NPEPPS: variants seen among roughly 807,000 people sequenced by gnomAD.
NPEPPS encodes the protein puromycin-sensitive aminopeptidase.
Under a neutral mutation model 115.5 loss-of-function variants are expected in NPEPPS, and 14 were observed. The ratio of observed to expected loss-of-function variants is 0.12; its 90% CI spans 0.08 to 0.19. NPEPPS has a LOEUF of 0.19. Among genes scored for constraint, NPEPPS ranks in the 10% least tolerant of loss-of-function variants. NPEPPS has a pLI of 1.00. For synonymous variants in NPEPPS, 285 were observed against 390.6 expected (o/e 0.73, Z 3.19); for missense variants, 523 against 1,110.8 (o/e 0.47, Z 7.52).
At chr17:47,541,458 C>T (rs1227279644) in intron 1 of NPEPPS, among the ~76,000 whole-genome samples, 1 of 151,778 alleles carries the variant, frequency 6.6e-6, no homozygotes, top group Non-Finnish European at 1.5e-5. Flanking sequence ...CTCACTGCAA[C>T]CTCCGCCTCC....
intron 3 of NPEPPS, among the ~76,000 whole-genome samples, chr17:47,571,245 G>A (rs1423165621): frequency 5.3e-5 from 8 of 152,122 alleles, no homozygotes; most frequent in Middle Eastern, 3.2e-3. Flanking sequence ...TGATAGTTAT[G>A]TCTGGGTGTT....
rs1490108407 is a variant in NPEPPS at position 47,587,247 on chromosome 17, T to C, written c.998T>C (p.Ile333Thr). 5 of 1,596,274 alleles carry C rather than the reference T, an allele frequency of 3.1e-6. No homozygotes were observed. Among genetic ancestry groups the C allele is most frequent in the Non-Finnish European group, 4.3e-6 (5 of 1,173,132 alleles). The stretch of plus-strand genomic sequence containing the variant: ...AAACACAGGGAGACTGCATTGCTTA[T>C]TGATCCAAAAAATTCCTGTTCTTCA... ...LVTYRETALL[I>T]DPKNSCSSSR... Residue 333 changes from isoleucine to threonine, a missense_variant, in exon 9 of 23, where the codon ATT becomes ACT. Around this residue, in one of 4 missense-constraint regions of NPEPPS, gnomAD observed 144 missense variants for 512.4 expected, o/e 0.28. Coordinates refer to ENST00000322157, the MANE Select transcript of NPEPPS (RefSeq NM_006310.4).
At chr17:47,563,107 C>T (rs1384876144) in intron 2 of NPEPPS, among the ~76,000 whole-genome samples, 6 of 151,478 alleles carry the variant, frequency 4.0e-5, no homozygotes, top group African/African-American at 1.5e-4. Context: ...TCTCAATTCA[C>T]TGCAACCTCC....
At chr17:47,596,537 T>C (rs1597874657) in intron 13 of NPEPPS, 75 bp downstream of exon 13, 1 of 912,536 alleles carries the variant, frequency 1.1e-6, no homozygotes, top group East Asian at 2.9e-5. Flanking sequence ...AAGTTTGCTT[T>C]TCTGTACTTT....
Position 47,587,265 on chromosome 17 carries a change from G to A in NPEPPS, c.1016G>A (p.Cys339Tyr). 6.3e-7 allele frequency: 1 copy of A among 1,596,436 alleles called. No homozygotes were observed. The highest frequency in any genetic ancestry group is 8.5e-7 in the Non-Finnish European group (1 of 1,173,638). Residue 339 changes from cysteine to tyrosine, a missense_variant, in exon 9 of 23, where the codon TGT (cysteine) becomes TAT (tyrosine). Around this residue, in one of 4 missense-constraint regions of NPEPPS, gnomAD observed 144 missense variants for 512.4 expected, o/e 0.28. Transcript: ENST00000322157. ...TALLIDPKNSCSSSRQWVALV... is the reference protein window; with the variant it reads ...TALLIDPKNSYSSSRQWVALV... ...TTGCTTATTGATCCAAAAAATTCCT[G>A]TTCTTCATCCCGCCAGTGGGTTGCT...
intron 1 of NPEPPS, among the ~76,000 whole-genome samples, chr17:47,532,775 C>G (rs553742699): frequency 4.6e-5 from 7 of 152,076 alleles, no homozygotes; most frequent in Admixed American, 1.3e-4. Context: ...TCCACTCCCT[C>G]CTCCCGCAGC....
intron 2 of NPEPPS, among the ~76,000 whole-genome samples, chr17:47,554,315 C>T (rs1351282361): frequency 3.3e-5 from 5 of 152,134 alleles, no homozygotes; most frequent in Non-Finnish European, 7.3e-5. Flanking sequence ...GTTGGGATTA[C>T]AGGCATGAGC....
intron 9 of NPEPPS, among the ~76,000 whole-genome samples, chr17:47,588,574 AAAAG>A (rs1447509175): frequency 1.3e-5 from 2 of 152,176 alleles, no homozygotes; most frequent in African/African-American, 2.4e-5. Flanking sequence ...CAAAAAAAAA[AAAAG>A]AAATATAATT....
In NPEPPS at chr17:47,545,984, G is replaced by A. The variant is rs1025393835; in HGVS notation, c.331G>A (p.Gly111Arg). 6.5e-7 allele frequency: 1 copy of A among 1,532,524 alleles called. No homozygotes were observed. The highest frequency in any genetic ancestry group is 1.4e-5 in the African/African-American group (1 of 72,136). The allele number at this position is 1,532,524 out of a possible 1,614,324, so 94.9% of individuals were successfully genotyped here. Residue 111 changes from glycine to arginine, a missense_variant, in exon 2 of 23, where the codon GGA becomes AGA. Around this residue, in one of 4 missense-constraint regions of NPEPPS, gnomAD observed 144 missense variants for 512.4 expected, o/e 0.28. Transcript: ENST00000322157. Reference protein sequence around the residue: ...DIITASYAPEGDEEIHATGFN... With the variant: ...DIITASYAPERDEEIHATGFN... Reference sequence around the variant, plus strand: ...TATTACAGCTTCATATGCACCAGAAGGAGATGAAGGTAAGAGCTGTTTTCC... The same window carrying A: ...TATTACAGCTTCATATGCACCAGAAAGAGATGAAGGTAAGAGCTGTTTTCC...
intron 5 of NPEPPS, among the ~76,000 whole-genome samples, chr17:47,584,061 A>G (rs1912043153): frequency 6.6e-6 from 1 of 151,824 alleles, no homozygotes; most frequent in African/African-American, 2.4e-5. Flanking sequence ...TCTCTACTAA[A>G]AATACAAAAA....
At chr17:47,525,221 T>G (rs901658750) in intron 1 of NPEPPS, among the ~76,000 whole-genome samples, 1 of 152,208 alleles carries the variant, frequency 6.6e-6, no homozygotes, top group African/African-American at 2.4e-5. Context: ...GGTTTATTCT[T>G]GACTTGCTGC....
In NPEPPS at chr17:47,596,398, C is replaced by G; in HGVS notation, c.1472C>G (p.Ala491Gly). ...SLENASGKPIAAVMNTWTKQM... is the reference protein window; with the variant it reads ...SLENASGKPIGAVMNTWTKQM... ...GAAAATGCTAGTGGTAAACCTATAGCAGCTGTGATGAATACCTGGACCAAA... is the reference window on the plus strand; with the variant it reads ...GAAAATGCTAGTGGTAAACCTATAGGAGCTGTGATGAATACCTGGACCAAA... Residue 491 changes from alanine to glycine, a missense_variant, in exon 13 of 23, where the codon GCA becomes GGA. Ala to Gly is a moderately conservative substitution (Grantham distance 60). Around this residue, in one of 4 missense-constraint regions of NPEPPS, gnomAD observed 372 missense variants for 542.6 expected, o/e 0.69. Coordinates refer to ENST00000322157, the MANE Select transcript of NPEPPS (RefSeq NM_006310.4). 1 of 1,598,094 alleles carries G rather than the reference C, an allele frequency of 6.3e-7. No homozygotes were observed. The highest frequency in any genetic ancestry group is 8.5e-7 in the Non-Finnish European group (1 of 1,171,784).
intron 19 of NPEPPS, among the ~76,000 whole-genome samples, chr17:47,615,658 ATATG>A (rs1914156728): frequency 6.6e-6 from 1 of 152,240 alleles, no homozygotes; most frequent in African/African-American, 2.4e-5. Flanking sequence ...ACTATAAATG[ATATG>A]TATGAAATGG....
rs576183025 is a variant in NPEPPS at position 47,557,833 on chromosome 17, A to C, written c.341-11584A>C. 1.3e-4 allele frequency among the ~76,000 whole-genome samples: 20 copies of C among 149,286 alleles called. 2 individuals are homozygous for C. Among genetic ancestry groups the C allele is most frequent in the Admixed American group, 2.7e-4 (4 of 14,980 alleles). On this transcript the variant is annotated intron_variant, in intron 2 of 22. Transcript: ENST00000322157. ...AGTTTTCTCATGAATGTAACCAGGT[A>C]ATGAACATATTCATCACCCTAGAAC...
chr17:47,529,857 G>A (rs1340538768), upstream of NPEPPS, among the ~76,000 whole-genome samples: 1 of 136,712 alleles, frequency 7.3e-6, no homozygotes, highest in East Asian at 2.1e-4. Flanking sequence ...CATGATTGCT[G>A]AAGGATCTTT....
chr17:47,610,214 C>T (rs1913760584), intron 17 of NPEPPS, among the ~76,000 whole-genome samples: 1 of 144,952 alleles, frequency 6.9e-6, no homozygotes, highest in Non-Finnish European at 1.5e-5. Context: ...GGCAGTCACT[C>T]TCCATTTCCT....
rs1907758873 is a variant in NPEPPS, at chr17:47,531,436, C to T, written c.136C>T (p.Pro46Ser). ...CCACAGCCTGGGCCTCGCCGCGATG[C>T]CGGAGAAGAGGCCCTTCGAGCGGCT... is the stretch of plus-strand genomic sequence containing the variant. ...RLHSLGLAAM[P>S]EKRPFERLPA... The change falls in exon 1 of 23, where the codon CCG (proline) becomes TCG (serine). Residue 46 changes from proline (P) to serine (S), a missense_variant. Transcript: ENST00000322157. The T allele has an allele frequency of 6.4e-7, 1 of 1,552,160 alleles. No individual in the cohort carries two copies. The highest frequency in any genetic ancestry group is 2.0e-5 in the Admixed American group (1 of 51,146).
At position 47,592,618 on chromosome 17, in the gene NPEPPS, T is replaced by G. The variant is rs1235214039; in HGVS notation, c.1426+73T>G. The G allele has an allele frequency of 3.8e-6, 5 of 1,332,442 alleles. No homozygotes were observed. The Admixed American group carries it at 6.9e-5, about 18-fold the overall frequency. The allele number at this position is 1,332,442 out of a possible 1,614,324, so 82.5% of individuals were successfully genotyped here. A position where few individuals can be genotyped will look rare whatever the true frequency, so the allele number is the denominator to read the frequency against. ...TCTATCCAGGCTGGGACATTTTATT[T>G]TTGTTCTGAATACTTAAGGTCAGGA... On this transcript the variant is annotated intron_variant, in intron 12 of 22. Coordinates refer to ENST00000322157, the MANE Select transcript of NPEPPS (RefSeq NM_006310.4).
At chr17:47,610,023 CTTTT>C (rs1567870295) in intron 17 of NPEPPS, among the ~76,000 whole-genome samples, 1 of 151,988 alleles carries the variant, frequency 6.6e-6, no homozygotes, top group Non-Finnish European at 1.5e-5. Context: ...TGGATGTTAA[CTTTT>C]TTTGAGAGAT....
Sources: gnomAD v4.1 joint callset for allele counts (sites outside exome capture counted in the v4.1 genomes callset) on GRCh38, gnomAD v4.1.1 for gene constraint, gnomAD v4.1.1 regional missense constraint, MANE v1.5 for transcripts, NCBI Gene and HGNC (gene_info 2026-07-23, HGNC 2026-07-21) for gene names.